The following ADGRV1 variants were observed in gnomAD, a reference collection of about 807,000 sequenced individuals.
ADGRV1 encodes adhesion G protein-coupled receptor V1.
In ADGRV1, 359 loss-of-function variants were observed where a neutral mutation model predicts 596.2. That is an observed-to-expected ratio of 0.60 (90% confidence interval 0.55 to 0.66). ADGRV1 has a LOEUF of 0.66. ADGRV1 is among the 30% of genes least tolerant of loss of function. The pLI, the probability that ADGRV1 is intolerant of heterozygous loss-of-function variation, is 0.00. For synonymous variants in ADGRV1, 2,681 were observed against 2,679.2 expected, an observed-to-expected ratio of 1.00 and a Z score of -0.02; for missense variants, 7,274 against 7,575.6, an observed-to-expected ratio of 0.96 and a Z score of 1.48.
At chr5:91,052,570 T>C (rs1562147180) in intron 85 of ADGRV1, among the ~76,000 whole-genome samples, 1 of 151,910 alleles carries the variant, frequency 6.6e-6, no homozygotes, top group South Asian at 2.1e-4. Context: ...GAGTAGCTGG[T>C]ATTACAGGCC....
intron 85 of ADGRV1, among the ~76,000 whole-genome samples, chr5:90,986,018 C>A (rs1289427919): frequency 6.6e-6 from 1 of 151,040 alleles, no homozygotes; most frequent in Non-Finnish European, 1.5e-5. Flanking sequence ...CTTAGATATT[C>A]TTATTAAAAT....
Position 90,805,317 on chromosome 5 carries a change from A to T in ADGRV1, c.14695A>T (p.Asn4899Tyr). Reference sequence around the variant, plus strand: ...TGAATCCACTGCTTTTCAACTCATGAACATCACTGCTGGCACAAGCCACGT... The same window carrying T: ...TGAATCCACTGCTTTTCAACTCATGTACATCACTGCTGGCACAAGCCACGT... ...GFESTAFQLM[N>Y]ITAGTSHVMI... Residue 4899 changes from asparagine (N) to tyrosine (Y), a missense_variant, in exon 72 of 90, where the codon AAC (asparagine) becomes TAC (tyrosine). Physicochemically the swap from Asn to Tyr is moderately radical, Grantham distance 143. Coordinates refer to ENST00000405460, the MANE Select transcript of ADGRV1 (RefSeq NM_032119.4). The T allele has an allele frequency of 6.2e-7, 1 of 1,612,956 alleles. No homozygotes were observed. Among genetic ancestry groups the T allele is most frequent in the Non-Finnish European group, 8.5e-7 (1 of 1,179,068 alleles).
At chr5:91,014,735 G>T (rs1783038513) in intron 85 of ADGRV1, among the ~76,000 whole-genome samples, 1 of 151,864 alleles carries the variant, frequency 6.6e-6, no homozygotes, top group Non-Finnish European at 1.5e-5. Flanking sequence ...AGGGGCAGTG[G>T]TAACATCCCC....
At chr5:90,842,282 A>C (rs923411732) in intron 78 of ADGRV1, among the ~76,000 whole-genome samples, 4 of 152,244 alleles carry the variant, frequency 2.6e-5, no homozygotes, top group Admixed American at 6.5e-5. Flanking sequence ...CAATGGAATT[A>C]TAAAAGTAGC....
chr5:90,763,812 ATAATGGCTCC>A (rs1351775873), intron 59 of ADGRV1, among the ~76,000 whole-genome samples: 1 of 152,214 alleles, frequency 6.6e-6, no homozygotes. Context: ...TTCACTTAGG[ATAATGGCTCC>A]TAATTGCATC....
At chr5:91,141,131 A>T (rs1795062346) in intron 87 of ADGRV1, among the ~76,000 whole-genome samples, 1 of 152,266 alleles carries the variant, frequency 6.6e-6, no homozygotes, top group African/African-American at 2.4e-5. Context: ...GGATATTTAT[A>T]ATTTAAAAAC....
At chr5:90,701,615 T>C (rs1204945156) in intron 34 of ADGRV1, among the ~76,000 whole-genome samples, 3 of 152,060 alleles carry the variant, frequency 2.0e-5, no homozygotes, top group African/African-American at 7.2e-5. Context: ...TATGTGTGTG[T>C]GTATCATACT....
intron 87 of ADGRV1, among the ~76,000 whole-genome samples, chr5:91,105,289 C>T (rs1470348593): frequency 2.0e-5 from 3 of 151,562 alleles, no homozygotes; most frequent in Non-Finnish European, 2.9e-5. Flanking sequence ...AATAGTGCAG[C>T]AACAAACATG....
Position 90,635,156 on chromosome 5 carries a change from C to A in ADGRV1, c.1882C>A (p.Pro628Thr). The change falls in exon 10 of 90, where the codon CCC becomes ACC. Residue 628 changes from proline to threonine, a missense_variant. Coordinates refer to ENST00000405460, the MANE Select transcript of ADGRV1 (RefSeq NM_032119.4). ...ELLNIIPLIP[P>T]ISPRFGEICN... ...GTTAAACATAATTCCTCTAATCCCA[C>A]CCATAAGCCCTAGATTTGGGGAAAT... 2 of 1,608,444 alleles carry A rather than the reference C, an allele frequency of 1.2e-6. No individual in the cohort carries two copies. Among genetic ancestry groups the A allele is most frequent in the East Asian group, 2.2e-5 (1 of 44,822 alleles).
At chr5:90,567,655 A>G (rs1755815275) in intron 1 of ADGRV1, among the ~76,000 whole-genome samples, 1 of 140,800 alleles carries the variant, frequency 7.1e-6, no homozygotes, top group Non-Finnish European at 1.6e-5. Context: ...GGTAGCAATG[A>G]CCCCTTTTGA....
At chr5:91,070,432 T>A (rs867776134) in intron 85 of ADGRV1, among the ~76,000 whole-genome samples, 8 of 152,204 alleles carry the variant, frequency 5.3e-5, no homozygotes, top group African/African-American at 9.6e-5. Flanking sequence ...TTTGTAGATA[T>A]TATATTTTGG....
intron 1 of ADGRV1, among the ~76,000 whole-genome samples, chr5:90,595,846 C>G (rs1012444258): frequency 6.7e-6 from 1 of 149,706 alleles, no homozygotes; most frequent in African/African-American, 2.5e-5. Flanking sequence ...GGCTGACGCC[C>G]CCACCTCCCT....
In ADGRV1 at chr5:90,984,034, C is replaced by G. The variant is rs78952291; in HGVS notation, c.17974-1310C>G. Among the ~76,000 whole-genome samples, 348 of 152,266 alleles carry G rather than the reference C, an allele frequency of 2.3e-3. 4 individuals carry two copies. In the East Asian group the frequency reaches 0.033, roughly 14 times the overall value. ...TCTTAATAAGAGATTTAAGAAGAGG[C>G]AGTCACATTTTCCAGCATTGACTAT... On this transcript the variant is annotated intron_variant, in intron 84 of 89. Coordinates refer to ENST00000405460, the MANE Select transcript of ADGRV1 (RefSeq NM_032119.4).
chr5:90,755,127 C>CAATAAT lies in ADGRV1; in HGVS notation c.11529_11534dup (p.Ile3843_Ile3844dup). 6.2e-7 allele frequency: 1 copy of CAATAAT among 1,610,952 alleles called. No homozygotes were observed. Among genetic ancestry groups the CAATAAT allele is most frequent in the Non-Finnish European group, 8.5e-7 (1 of 1,178,446 alleles). On this transcript the variant is annotated inframe_insertion, in exon 55 of 90. Coordinates refer to ENST00000405460, the MANE Select transcript of ADGRV1 (RefSeq NM_032119.4). The stretch of plus-strand genomic sequence containing the variant: ...AATGAAGATTATGTATTGCAAGAAA[C>CAATAAT]AATAATAATAATGAAAGAAAACATA...
intron 87 of ADGRV1, among the ~76,000 whole-genome samples, chr5:91,122,012 CA>C (rs1793361555): frequency 1.3e-5 from 2 of 150,636 alleles, no homozygotes; most frequent in Non-Finnish European, 3.0e-5. Flanking sequence ...TATTGAACTT[CA>C]AAAGTGTTGT....
intron 38 of ADGRV1, 27 bp downstream of exon 38, chr5:90,706,421 TAG>T: frequency 6.6e-7 from 1 of 1,507,654 alleles, no homozygotes; most frequent in South Asian, 1.3e-5. Flanking sequence ...TTTTTAATCT[TAG>T]GGGGAGATAG....
At chr5:90,994,198 G>C (rs1224270452) in intron 85 of ADGRV1, among the ~76,000 whole-genome samples, 2 of 151,900 alleles carry the variant, frequency 1.3e-5, no homozygotes, top group Non-Finnish European at 2.9e-5. Context: ...AAGTAGCTGG[G>C]ATTACAGGCA....
Position 91,036,561 on chromosome 5 carries a change from TA to T in ADGRV1, c.18153-35870del, listed in dbSNP as rs74750705. 5.1e-3 allele frequency among the ~76,000 whole-genome samples: 599 copies of T among 118,040 alleles called. 2 individuals carry two copies. Among genetic ancestry groups the T allele is most frequent in the African/African-American group, 0.012 (381 of 32,830 alleles). The allele number at this position is 118,040 out of a possible 152,430, so 77.4% of individuals were successfully genotyped here. On this transcript the variant is annotated intron_variant, in intron 85 of 89. Transcript: ENST00000405460. ...TGGGCGACAAAGCGAGACTCCGTCT[TA>T]AAAAAAAAAAAAAAACGGCCAGGCC...
intron 85 of ADGRV1, among the ~76,000 whole-genome samples, chr5:91,002,451 A>G (rs1050673003): frequency 6.6e-6 from 1 of 152,076 alleles, no homozygotes; most frequent in Admixed American, 6.6e-5. Flanking sequence ...TCCAATGCGA[A>G]TGTCAGGTGT....
Sources: gnomAD v4.1 joint callset for allele counts (sites outside exome capture counted in the v4.1 genomes callset) on GRCh38, gnomAD v4.1.1 for gene constraint, MANE v1.5 for transcripts, NCBI Gene and HGNC (gene_info 2026-07-23, HGNC 2026-07-21) for gene names.